The following ZNF587 variants were observed in gnomAD, a reference collection of about 807,000 sequenced individuals.
ZNF587 encodes the protein zinc finger protein zfp6.
ZNF587 carries 8 observed loss-of-function variants against 7.5 expected under a neutral mutation model. The observed-to-expected ratio is 1.06, with a 90% CI of 0.62 to 1.92. The LOEUF (loss-of-function observed/expected upper bound fraction) is 1.92. Ranked by LOEUF, ZNF587 falls within the 40% of genes most tolerant of loss-of-function variation. The probability of loss-of-function intolerance (pLI) is 0.00; values close to 1 mark genes in which losing one functional copy is unlikely to be tolerated. For synonymous variants in ZNF587, 145 were observed against 237.8 expected, an observed-to-expected ratio of 0.61 and a Z score of 3.59; for missense variants, 468 against 692.8, an observed-to-expected ratio of 0.68 and a Z score of 3.64.
Position 57,860,544 on chromosome 19 carries a change from A to G in ZNF587, c.*404A>G. The G allele has an allele frequency of 3.9e-6, 1 of 255,334 alleles. No individual in the cohort carries two copies. The highest frequency in any genetic ancestry group is 7.6e-6 in the Non-Finnish European group (1 of 131,034). 15.8% of individuals were successfully genotyped at this position (255,334 alleles called of 1,614,324 possible). On this transcript the variant is annotated 3_prime_UTR_variant, in exon 3 of 3. Coordinates refer to ENST00000339656, the MANE Select transcript of ZNF587 (RefSeq NM_032828.4). ...TTGACTCCCAAAGTGCTGAAATTAC[A>G]GGCATGAGCCTCTGCACCTGGCCTT...
intron 1 of ZNF587, among the ~76,000 whole-genome samples, chr19:57,855,754 G>T (rs2071347207): frequency 6.6e-6 from 1 of 151,990 alleles, no homozygotes; most frequent in Non-Finnish European, 1.5e-5. Flanking sequence ...GTAGAGACAG[G>T]GTTTCACCAT....
Position 57,858,713 on chromosome 19 carries a change from T to A in ZNF587, c.301T>A (p.Leu101Met). The stretch of plus-strand genomic sequence containing the variant: ...CCCCTGTGAAATGTGTGGCCTCATC[T>A]TGGAGGATGTTTTTCACTTTGCTGA... The part of the protein sequence containing the change: ...AHPCEMCGLI[L>M]EDVFHFADHQ... The change falls in exon 3 of 3, where the codon TTG (leucine) becomes ATG (methionine). Residue 101 changes from leucine to methionine, a missense_variant. Around this residue, in one of 5 missense-constraint regions of ZNF587, gnomAD observed 23 missense variants for 66.2 expected, o/e 0.35. Transcript: ENST00000339656. The A allele has an allele frequency of 6.3e-7, 1 of 1,599,446 alleles. No homozygotes were observed. The highest frequency in any genetic ancestry group is 8.5e-7 in the Non-Finnish European group (1 of 1,171,456).
At chr19:57,850,319 G>C (rs1467538441) in intron 1 of ZNF587, 2 of 645,286 alleles carry the variant, frequency 3.1e-6, no homozygotes, top group East Asian at 5.5e-5. Flanking sequence ...CCGTCCTGCT[G>C]TTCGGGAGAC....
intron 1 of ZNF587, among the ~76,000 whole-genome samples, chr19:57,854,384 C>G (rs2071323387): frequency 6.6e-6 from 1 of 152,014 alleles, no homozygotes; most frequent in South Asian, 2.1e-4. Flanking sequence ...CTATTGTAAA[C>G]CATGGAAATT....
At chr19:57,854,633 A>G (rs1241510439) in intron 1 of ZNF587, among the ~76,000 whole-genome samples, 2 of 151,652 alleles carry the variant, frequency 1.3e-5, no homozygotes, top group Non-Finnish European at 2.9e-5. Flanking sequence ...CCAGGTTGTT[A>G]TATTTTGTGG....
chr19:57,861,362 G>C lies in ZNF587; in HGVS notation c.*1222G>C, dbSNP rs1353897978. 6.6e-6 allele frequency: 1 copy of C among 152,112 alleles called. No individual in the cohort carries two copies. The highest frequency in any genetic ancestry group is 1.9e-4 in the East Asian group (1 of 5,176). 9.4% of individuals were successfully genotyped at this position (152,112 alleles called of 1,614,324 possible). A position where few individuals can be genotyped will look rare whatever the true frequency, so the allele number is the denominator to read the frequency against. The stretch of plus-strand genomic sequence containing the variant: ...TTTTTTTGTTTTGAGACAAAGTCTC[G>C]CTCTGTCTCCCAGGCTAGAGTACCG... On this transcript the variant is annotated 3_prime_UTR_variant, in exon 3 of 3. Transcript: ENST00000339656.
At chr19:57,852,616 C>G (rs2071295026) in intron 1 of ZNF587, among the ~76,000 whole-genome samples, 1 of 151,820 alleles carries the variant, frequency 6.6e-6, no homozygotes, top group African/African-American at 2.4e-5. Context: ...GAGCCTCTGC[C>G]TCCCAGGTTC....
intron 1 of ZNF587, among the ~76,000 whole-genome samples, chr19:57,852,777 C>G (rs1406215651): frequency 1.3e-5 from 2 of 148,196 alleles, no homozygotes; most frequent in East Asian, 2.0e-4. Context: ...ATCGTCACAT[C>G]TCGGCCTCCC....
intron 1 of ZNF587, 81 bp downstream of exon 1, chr19:57,850,152 G>T: frequency 1.2e-6 from 2 of 1,612,690 alleles, no homozygotes; most frequent in African/African-American, 1.3e-5. Context: ...GCTCCTGCTC[G>T]TGGGTCTGTA....
At chr19:57,857,147 T>C (rs1198329090) in intron 2 of ZNF587, 1 of 152,072 alleles carries the variant, frequency 6.6e-6, no homozygotes, top group East Asian at 1.9e-4. Flanking sequence ...GAGTCCTCCA[T>C]GTTTGACAAG....
chr19:57,857,394 C>T (rs1284081924), intron 2 of ZNF587: 1 of 152,066 alleles, frequency 6.6e-6, no homozygotes, highest in Non-Finnish European at 1.5e-5. Flanking sequence ...CAGTGATATC[C>T]ACCCCAGCAC....
At chr19:57,850,185 C>T in intron 1 of ZNF587, 114 bp downstream of exon 1, 2 of 1,592,708 alleles carry the variant, frequency 1.3e-6, no homozygotes, top group Non-Finnish European at 1.7e-6. Flanking sequence ...CGTAGGAACA[C>T]TGAGGCGCTC....
rs529933056 is a variant in ZNF587 at position 57,855,568 on chromosome 19, T to G, written c.34-536T>G. Among the ~76,000 whole-genome samples the G allele has an allele frequency of 4.6e-5, 7 of 150,698 alleles. No individual in the cohort carries two copies. The East Asian group carries it at 9.7e-4, about 21-fold the overall frequency. ...GAAGGGGGTGTGGGCTTTTTTTGTT[T>G]TTTTTTTTTTTGAGATGGTGTCTCG... On this transcript the variant is annotated intron_variant, in intron 1 of 2. Coordinates refer to ENST00000339656, the MANE Select transcript of ZNF587 (RefSeq NM_032828.4).
chr19:57,853,952 C>T (rs1325376135), intron 1 of ZNF587: 1 of 152,124 alleles, frequency 6.6e-6, no homozygotes, highest in African/African-American at 2.4e-5. Flanking sequence ...GACAGGGTTT[C>T]ACCATGCTGA....
rs534372693 is a variant in ZNF587 at position 57,862,871 on chromosome 19, T to G, written c.*2731T>G. On this transcript the variant is annotated 3_prime_UTR_variant, in exon 3 of 3. Coordinates refer to ENST00000339656, the MANE Select transcript of ZNF587 (RefSeq NM_032828.4). ...TTCCTCTTATGGCTGACCAAAAACATGGAACCTCACAAAGTCCACTGTAAC... is the reference window on the plus strand; with the variant it reads ...TTCCTCTTATGGCTGACCAAAAACAGGGAACCTCACAAAGTCCACTGTAAC... The G allele has an allele frequency of 1.3e-5, 2 of 155,172 alleles. No homozygotes were observed. Among genetic ancestry groups the G allele is most frequent in the South Asian group, 4.1e-4 (2 of 4,914 alleles). The allele number at this position is 155,172 out of a possible 1,614,324, so 9.6% of individuals were successfully genotyped here.
intron 1 of ZNF587, 84 bp from the exon 2 acceptor site, chr19:57,856,020 T>A: frequency 6.4e-7 from 1 of 1,568,644 alleles, no homozygotes; most frequent in Admixed American, 2.0e-5. Context: ...GGGAGGAGGA[T>A]GGGCAAGGGT....
rs150197571 is a variant in ZNF587, at chr19:57,852,779, C to T, written c.33+2708C>T. 4.6e-3 allele frequency among the ~76,000 whole-genome samples: 670 copies of T among 147,114 alleles called. 7 individuals carry two copies. Among genetic ancestry groups the T allele is most frequent in the African/African-American group, 0.016 (641 of 39,630 alleles). ...CTGACCTCAAGTGATCGTCACATCTCGGCCTCCCAAAGTGCTGGGATTATA... is the reference window on the plus strand; with the variant it reads ...CTGACCTCAAGTGATCGTCACATCTTGGCCTCCCAAAGTGCTGGGATTATA... On this transcript the variant is annotated intron_variant, in intron 1 of 2. Transcript: ENST00000339656.
chr19:57,851,173 T>G (rs1483850946), intron 1 of ZNF587: 2 of 152,130 alleles, frequency 1.3e-5, no homozygotes, highest in Non-Finnish European at 2.9e-5. Context: ...ACATTAGGTT[T>G]TACAATAGTA....
chr19:57,855,833 T>G (rs1382801027), intron 1 of ZNF587: 3 of 409,246 alleles, frequency 7.3e-6, no homozygotes, highest in Non-Finnish European at 1.3e-5. Context: ...AGTGCTGGGA[T>G]TACAGGCGTG....
Sources: allele counts gnomAD v4.1 joint callset (sites outside exome capture counted in the v4.1 genomes callset), GRCh38; gene constraint gnomAD v4.1.1; regional missense constraint gnomAD v4.1.1; transcripts MANE v1.5; gene names NCBI Gene and HGNC (gene_info 2026-07-23, HGNC 2026-07-21).